ARB2A: variants seen among roughly 807,000 people sequenced by gnomAD.
The protein encoded by ARB2A is cotranscriptional regulator ARB2A.
the ARB2A span, among the ~76,000 whole-genome samples, chr5:93,804,430 AT>A: frequency 6.6e-6 from 1 of 151,962 alleles, no homozygotes; most frequent in South Asian, 2.1e-4. Context: ...AGCATAATGC[AT>A]TTTTAATAGA....
At chr5:93,728,908 G>T in the ARB2A span, among the ~76,000 whole-genome samples, 1 of 152,018 alleles carries the variant, frequency 6.6e-6, no homozygotes, top group Non-Finnish European at 1.5e-5. Context: ...TTAATGTTAA[G>T]AAAATATTTC....
At chr5:94,048,673 G>T in the ARB2A span, among the ~76,000 whole-genome samples, 1 of 152,168 alleles carries the variant, frequency 6.6e-6, no homozygotes, top group African/African-American at 2.4e-5. Flanking sequence ...CAACAGGATT[G>T]TATCACAGCT....
the ARB2A span, among the ~76,000 whole-genome samples, chr5:94,001,850 T>C: frequency 2.0e-5 from 3 of 152,128 alleles, no homozygotes; most frequent in African/African-American, 7.2e-5. Context: ...TTAGTGCCTT[T>C]AGTATAACTT....
the ARB2A span, among the ~76,000 whole-genome samples, chr5:93,869,268 G>T: frequency 6.6e-6 from 1 of 152,118 alleles, no homozygotes. Context: ...CCAAGAAGTG[G>T]GTGAAGGTTG....
the ARB2A span, among the ~76,000 whole-genome samples, chr5:93,956,019 C>T: frequency 5.9e-5 from 9 of 152,320 alleles, no homozygotes; most frequent in South Asian, 6.2e-4. Flanking sequence ...TACTTGGCTA[C>T]GTGAAACAGT....
the ARB2A span, among the ~76,000 whole-genome samples, chr5:93,869,329 C>T: frequency 1.3e-5 from 2 of 152,142 alleles, no homozygotes; most frequent in Non-Finnish European, 2.9e-5. Context: ...AATTGAGGCA[C>T]AGTCCATCTA....
chr5:93,992,380 G>A, the ARB2A span, among the ~76,000 whole-genome samples: 1 of 152,144 alleles, frequency 6.6e-6, no homozygotes, highest in Admixed American at 6.5e-5. Flanking sequence ...CATTTTCTAT[G>A]AAGATAAACT....
chr5:93,708,579 A>G, the ARB2A span, among the ~76,000 whole-genome samples: 30 of 152,296 alleles, frequency 2.0e-4, no homozygotes, highest in Non-Finnish European at 3.7e-4. Context: ...TTCCGCTCCT[A>G]TGAGAATCTA....
the ARB2A span, among the ~76,000 whole-genome samples, chr5:93,906,771 CT>C: frequency 6.6e-6 from 1 of 151,446 alleles, no homozygotes; most frequent in African/African-American, 2.4e-5. Flanking sequence ...CAAAAAGACT[CT>C]GCTAAGTTTG....
chr5:93,756,633 A>C, the ARB2A span, among the ~76,000 whole-genome samples: 1 of 152,188 alleles, frequency 6.6e-6, no homozygotes, highest in African/African-American at 2.4e-5. Context: ...CAATCACTGC[A>C]GTTTGGCTTA....
At chr5:94,092,142 C>T in the ARB2A span, among the ~76,000 whole-genome samples, 2 of 151,110 alleles carry the variant, frequency 1.3e-5, no homozygotes, top group Admixed American at 1.3e-4. Context: ...GTTTGACCAG[C>T]CTGGCCAACA....
the ARB2A span, among the ~76,000 whole-genome samples, chr5:94,054,059 T>G: frequency 6.6e-6 from 1 of 152,188 alleles, no homozygotes; most frequent in Non-Finnish European, 1.5e-5. Flanking sequence ...TTAGCCGCCA[T>G]GCCTCGCTGA....
the ARB2A span, among the ~76,000 whole-genome samples, chr5:94,004,844 T>C: frequency 6.6e-6 from 1 of 151,374 alleles, no homozygotes; most frequent in Non-Finnish European, 1.5e-5. Context: ...TATATATTAT[T>C]GATTCTTACA....
the ARB2A span, among the ~76,000 whole-genome samples, chr5:93,828,114 T>C: frequency 6.6e-6 from 1 of 152,154 alleles, no homozygotes; most frequent in Non-Finnish European, 1.5e-5. Context: ...GTAGTTTTTT[T>C]CCAATTCTGT....
At chr5:93,900,261 A>C in the ARB2A span, among the ~76,000 whole-genome samples, 1 of 152,170 alleles carries the variant, frequency 6.6e-6, no homozygotes, top group Non-Finnish European at 1.5e-5. Context: ...AATATCTAAT[A>C]AAGTATTAAG....
At chr5:94,043,294 G>A in the ARB2A span, among the ~76,000 whole-genome samples, 7 of 151,928 alleles carry the variant, frequency 4.6e-5, no homozygotes, top group Non-Finnish European at 1.0e-4. Flanking sequence ...TGATCTTTTC[G>A]TTTTACAGTC....
chr5:93,724,584 A>G, the ARB2A span, among the ~76,000 whole-genome samples: 113 of 152,178 alleles, frequency 7.4e-4, no homozygotes, highest in African/African-American at 2.7e-3. Context: ...TTTATGATAA[A>G]TTGACTTTTC....
the ARB2A span, chr5:94,055,969 T>C: frequency 3.4e-6 from 3 of 873,672 alleles, no homozygotes; most frequent in Non-Finnish European, 4.1e-6. Context: ...TATACATTAC[T>C]TCATTTGATC....
the ARB2A span, among the ~76,000 whole-genome samples, chr5:93,875,218 A>C: frequency 6.6e-6 from 1 of 152,072 alleles, no homozygotes; most frequent in Admixed American, 6.6e-5. Context: ...CTGGAATTCA[A>C]ACTCAGGTCT....
Sources: gnomAD v4.1 joint callset for allele counts (sites outside exome capture counted in the v4.1 genomes callset) on GRCh38, gnomAD v4.1.1 for gene constraint, MANE v1.5 for transcripts, NCBI Gene and HGNC (gene_info 2026-07-23, HGNC 2026-07-21) for gene names.